The following DENND2C variants were observed in gnomAD, a reference collection of about 807,000 sequenced individuals.
DENND2C encodes the protein DENN domain containing 2C, also known as DENN domain-containing protein 2C.
Under a neutral mutation model 112.4 loss-of-function variants are expected in DENND2C, and 72 were observed. That is an observed-to-expected ratio of 0.64 (90% CI 0.53 to 0.78). The LOEUF is 0.78. DENND2C is among the 30% of genes least tolerant of loss of function. The pLI, the probability that DENND2C is intolerant of heterozygous loss-of-function variation, is 0.00. For missense variants in DENND2C, 992 were observed against 1,113.8 expected (o/e 0.89, Z 1.56); for synonymous variants, 329 against 381.6 (o/e 0.86, Z 1.61).
At chr1:114,632,734 G>GTT (rs146384693) in intron 3 of DENND2C, among the ~76,000 whole-genome samples, 1 of 151,708 alleles carries the variant, frequency 6.6e-6, no homozygotes, top group African/African-American at 2.4e-5. Context: ...AACTTGTGGG[G>GTT]TTTTTTTTAA....
Position 114,595,837 on chromosome 1 carries a change from G to T in DENND2C, c.2320C>A (p.Gln774Lys). ...IVDLCADKFL[Q>K]EVSDEDEILP... Reference sequence around the variant, plus strand: ...TTACCTCCTTTGGCACTCACCTCCTGTAAGAACTTGTCTGCACAGAGATCA... The same window carrying T: ...TTACCTCCTTTGGCACTCACCTCCTTTAAGAACTTGTCTGCACAGAGATCA... Residue 774 changes from glutamine (Q) to lysine (K), a missense_variant, in exon 17 of 21, where the codon CAG becomes AAG. By Grantham distance (53) the Gln-to-Lys change is moderately conservative. Around this residue, in one of 3 missense-constraint regions of DENND2C, gnomAD observed 516 missense variants for 623.6 expected, o/e 0.83. Coordinates refer to ENST00000393274, the MANE Select transcript of DENND2C (RefSeq NM_001256404.2). The T allele has an allele frequency of 6.2e-7, 1 of 1,613,748 alleles. No individual in the cohort carries two copies. The highest frequency in any genetic ancestry group is 1.6e-4 in the Middle Eastern group (1 of 6,062).
At chr1:114,664,306 G>C (rs183657059) in intron 1 of DENND2C, among the ~76,000 whole-genome samples, 371 of 152,038 alleles carry the variant, frequency 2.4e-3, no homozygotes, top group African/African-American at 8.4e-3. Context: ...ATATGCTTTC[G>C]AAGCTTTGAT....
intron 8 of DENND2C, among the ~76,000 whole-genome samples, chr1:114,611,557 T>C (rs1313667881): frequency 6.6e-6 from 1 of 152,104 alleles, no homozygotes; most frequent in Admixed American, 6.5e-5. Context: ...ACATGAGAAC[T>C]AGGAGAGAGA....
chr1:114,617,657 C>CA (rs34802002), intron 8 of DENND2C, among the ~76,000 whole-genome samples: 28,011 of 118,470 alleles, frequency 0.24, 3,410 homozygotes, highest in Middle Eastern at 0.34. Flanking sequence ...TACCTTCAGT[C>CA]AAAAAAAAAA....
intron 1 of DENND2C, among the ~76,000 whole-genome samples, chr1:114,663,736 T>C (rs969255138): frequency 6.6e-6 from 1 of 152,214 alleles, no homozygotes; most frequent in African/African-American, 2.4e-5. Context: ...ATGTGAAAAT[T>C]ATATGAAATT....
intron 4 of DENND2C, among the ~76,000 whole-genome samples, chr1:114,624,899 G>A (rs1316851847): frequency 1.3e-5 from 2 of 152,198 alleles, no homozygotes; most frequent in South Asian, 2.1e-4. Flanking sequence ...GGGATTACAG[G>A]AGCGAGCTAC....
intron 3 of DENND2C, among the ~76,000 whole-genome samples, chr1:114,630,472 G>C (rs2101671734): frequency 6.6e-6 from 1 of 152,226 alleles, no homozygotes; most frequent in African/African-American, 2.4e-5. Flanking sequence ...ATAACAGACA[G>C]CTTAAGATTG....
At chr1:114,632,916 C>T (rs561285377) in intron 3 of DENND2C, among the ~76,000 whole-genome samples, 1 of 151,776 alleles carries the variant, frequency 6.6e-6, no homozygotes, top group African/African-American at 2.4e-5. Flanking sequence ...AAAATGATAC[C>T]AGATAGATAT....
intron 13 of DENND2C, 144 bp from the exon 14 acceptor site, chr1:114,601,104 A>G: frequency 1.1e-6 from 1 of 874,580 alleles, no homozygotes; most frequent in Non-Finnish European, 1.7e-6. Flanking sequence ...AATCAATAAA[A>G]GTTAAATAAG....
chr1:114,665,387 T>C (rs1329774454), intron 1 of DENND2C, among the ~76,000 whole-genome samples: 3 of 152,078 alleles, frequency 2.0e-5, no homozygotes, highest in Non-Finnish European at 2.9e-5. Flanking sequence ...GAATTTGCTA[T>C]AAAGCTTTTT....
intron 3 of DENND2C, among the ~76,000 whole-genome samples, chr1:114,641,876 T>G (rs1462473650): frequency 1.3e-5 from 2 of 152,146 alleles, no homozygotes; most frequent in Non-Finnish European, 2.9e-5. Context: ...GTTTTTATGA[T>G]GCATACAAAA....
At chr1:114,643,439 A>G (rs1332690304) in intron 3 of DENND2C, among the ~76,000 whole-genome samples, 9 of 152,230 alleles carry the variant, frequency 5.9e-5, no homozygotes, top group African/African-American at 2.2e-4. Flanking sequence ...AAATATTTTA[A>G]AACAAATAAT....
chr1:114,626,141 G>C lies in DENND2C; in HGVS notation c.-157C>G, dbSNP rs918923252. ...AATCTCTTTGTAAAAAGAAAATTTT[G>C]ATCAGTGATCCTTGTTGAAAATGGC... On this transcript the variant is annotated 5_prime_UTR_variant, in exon 4 of 21. It adds an upstream start codon to the 5' untranslated region. Transcript: ENST00000393274. 5.7e-6 allele frequency: 4 copies of C among 705,946 alleles called. No individual in the cohort carries two copies. The highest frequency in any genetic ancestry group is 1.8e-5 in the African/African-American group (1 of 56,350). The allele number at this position is 705,946 out of a possible 1,614,324, so 43.7% of individuals were successfully genotyped here.
intron 2 of DENND2C, among the ~76,000 whole-genome samples, chr1:114,651,213 G>C (rs938710871): frequency 6.6e-6 from 1 of 151,346 alleles, no homozygotes; most frequent in Non-Finnish European, 1.5e-5. Flanking sequence ...CAAGGCAGGA[G>C]GATCACTTGA....
chr1:114,625,073 C>CATCAA (rs1557949327), intron 4 of DENND2C, 106 bp downstream of exon 4: 1 of 1,116,326 alleles, frequency 9.0e-7, no homozygotes, highest in Non-Finnish European at 1.2e-6. Context: ...AAAGCAGGGG[C>CATCAA]ATCACCTAAG....
chr1:114,651,493 C>T (rs1480336543), intron 2 of DENND2C, among the ~76,000 whole-genome samples: 1 of 152,036 alleles, frequency 6.6e-6, no homozygotes, highest in Non-Finnish European at 1.5e-5. Context: ...AATCCCAGCA[C>T]TTTGGGAGGC....
Position 114,583,951 on chromosome 1 carries a change from G to A in DENND2C, c.*1649C>T, listed in dbSNP as rs1467949763. 6.6e-6 allele frequency: 1 copy of A among 151,996 alleles called. No individual in the cohort carries two copies. The highest frequency in any genetic ancestry group is 1.9e-4 in the East Asian group (1 of 5,198). 9.4% of individuals were successfully genotyped at this position (151,996 alleles called of 1,614,324 possible). The stretch of plus-strand genomic sequence containing the variant: ...TATTAAAGGTCTGGATGACTAAGTG[G>A]TATATGTTCAAGGAATGTTCATATT... On this transcript the variant is annotated 3_prime_UTR_variant, in exon 21 of 21. Transcript: ENST00000393274.
chr1:114,604,367 G>C (rs1403191879), intron 11 of DENND2C, among the ~76,000 whole-genome samples: 1 of 152,174 alleles, frequency 6.6e-6, no homozygotes, highest in Middle Eastern at 3.2e-3. Context: ...CAGAGATTAT[G>C]ATAGTTTATT....
chr1:114,618,445 C>G lies in DENND2C; in HGVS notation c.1265G>C (p.Arg422Thr). ...LKIDDIFESK[R>T]GKKKVKLHSY... ...ATGTAACTTTACCTTCTTCTTCCCT[C>G]TTTTAGATTCAAATATGTCATCTAT... The change falls in exon 8 of 21, where the codon AGA becomes ACA. Residue 422 changes from arginine to threonine, a missense_variant. This residue lies in a region of DENND2C where 516 missense variants were observed against 623.6 expected (regional missense o/e 0.83). Coordinates refer to ENST00000393274, the MANE Select transcript of DENND2C (RefSeq NM_001256404.2). The G allele has an allele frequency of 1.3e-6, 2 of 1,594,294 alleles. No homozygotes were observed. The highest frequency in any genetic ancestry group is 1.7e-6 in the Non-Finnish European group (2 of 1,172,590).
Sources: gnomAD v4.1 joint callset for allele counts (sites outside exome capture counted in the v4.1 genomes callset) on GRCh38, gnomAD v4.1.1 for gene constraint, gnomAD v4.1.1 regional missense constraint, MANE v1.5 for transcripts, NCBI Gene and HGNC (gene_info 2026-07-23, HGNC 2026-07-21) for gene names.